PTPRE: variants seen among roughly 807,000 people sequenced by gnomAD.
PTPRE encodes protein tyrosine phosphatase receptor type E, also known as receptor-type tyrosine-protein phosphatase epsilon.
A neutral mutation model predicts 102.0 loss-of-function variants in PTPRE; 51 were observed. The observed-to-expected ratio is 0.50, with a 90% CI of 0.40 to 0.63. PTPRE has a LOEUF of 0.63. PTPRE is among the 30% of genes least tolerant of loss of function. PTPRE has a pLI of 0.00. For synonymous variants in PTPRE, 345 were observed against 348.2 expected (o/e 0.99, Z 0.10); for missense variants, 752 against 915.1 (o/e 0.82, Z 2.30).
chr10:127,959,859 G>T (rs1022717211), intron 1 of PTPRE, among the ~76,000 whole-genome samples: 9 of 152,308 alleles, frequency 5.9e-5, no homozygotes, highest in African/African-American at 2.2e-4. Flanking sequence ...ATATTATGAA[G>T]CTTCTAGCAC....
At chr10:128,074,753 A>C (rs1851084785) in intron 17 of PTPRE, among the ~76,000 whole-genome samples, 1 of 152,014 alleles carries the variant, frequency 6.6e-6, no homozygotes. Flanking sequence ...TACGCCTAGG[A>C]GTGTATATAC....
At chr10:128,044,039 G>T (rs953233728) in intron 3 of PTPRE, among the ~76,000 whole-genome samples, 1 of 152,216 alleles carries the variant, frequency 6.6e-6, no homozygotes, top group African/African-American at 2.4e-5. Flanking sequence ...AGCTGTAGAT[G>T]AAACGAGAGG....
intron 6 of PTPRE, among the ~76,000 whole-genome samples, chr10:128,049,879 A>C (rs1247427788): frequency 6.6e-6 from 1 of 151,980 alleles, no homozygotes; most frequent in African/African-American, 2.4e-5. Flanking sequence ...CAGTTGAGTT[A>C]GAGGTTTGTG....
At chr10:127,920,055 G>A (rs1458974777) in intron 1 of PTPRE, among the ~76,000 whole-genome samples, 2 of 152,180 alleles carry the variant, frequency 1.3e-5, no homozygotes, top group African/African-American at 4.8e-5. Context: ...GCCCTAGCAG[G>A]CAGGAAGTGT....
At chr10:127,969,561 G>A (rs947642219) in intron 1 of PTPRE, among the ~76,000 whole-genome samples, 5 of 151,916 alleles carry the variant, frequency 3.3e-5, no homozygotes, top group South Asian at 2.1e-4. Context: ...CCAGCTACTC[G>A]AGAGGCTGAG....
At chr10:128,078,088 C>G (rs1258409832) in intron 19 of PTPRE, among the ~76,000 whole-genome samples, 1 of 152,196 alleles carries the variant, frequency 6.6e-6, no homozygotes, top group Non-Finnish European at 1.5e-5. Context: ...AAAAAATTGC[C>G]AGGCAGGGCT....
chr10:127,956,004 T>C (rs1007800549), intron 1 of PTPRE, among the ~76,000 whole-genome samples: 7 of 152,188 alleles, frequency 4.6e-5, no homozygotes, highest in African/African-American at 1.7e-4. Context: ...CTCCTCCAAT[T>C]TGACATGAGA....
chr10:128,069,939 G>A (rs1234910205), intron 13 of PTPRE, 112 bp downstream of exon 13: 6 of 1,536,480 alleles, frequency 3.9e-6, no homozygotes, highest in Non-Finnish European at 5.3e-6. Context: ...AACCAGCCTG[G>A]GCCTGGCCTG....
chr10:127,971,715 T>G (rs1230203506), intron 1 of PTPRE, among the ~76,000 whole-genome samples: 1 of 152,176 alleles, frequency 6.6e-6, no homozygotes, highest in African/African-American at 2.4e-5. Context: ...GGAAGGAGGT[T>G]TATTAGAATC....
chr10:128,020,959 G>A (rs1029237752), intron 2 of PTPRE, among the ~76,000 whole-genome samples: 4 of 151,322 alleles, frequency 2.6e-5, no homozygotes, highest in East Asian at 3.9e-4. Flanking sequence ...GTGCAGTGGC[G>A]CAATCTCAGC....
chr10:128,010,551 C>CTTTTCTTTT (rs1554919736), intron 2 of PTPRE, among the ~76,000 whole-genome samples: 1 of 129,088 alleles, frequency 7.7e-6, no homozygotes, highest in Non-Finnish European at 1.6e-5. Flanking sequence ...TGTTCCTTTT[C>CTTTTCTTTT]TTTTCTTTTC....
At chr10:127,949,768 C>G (rs1848883527) in intron 1 of PTPRE, among the ~76,000 whole-genome samples, 2 of 152,158 alleles carry the variant, frequency 1.3e-5, no homozygotes, top group Non-Finnish European at 2.9e-5. Context: ...CAAACACAAG[C>G]CTTTGTCCCT....
At chr10:127,953,841 T>C (rs1849213239) in intron 1 of PTPRE, among the ~76,000 whole-genome samples, 1 of 152,162 alleles carries the variant, frequency 6.6e-6, no homozygotes, top group African/African-American at 2.4e-5. Flanking sequence ...CACTGGGCAA[T>C]GTACCTGGTT....
chr10:127,915,981 G>A (rs1050168962), intron 1 of PTPRE, among the ~76,000 whole-genome samples: 2 of 150,704 alleles, frequency 1.3e-5, no homozygotes, highest in Non-Finnish European at 2.9e-5. Flanking sequence ...TGTGCTTAGC[G>A]CTGGAGTTAC....
chr10:127,998,686 G>A (rs983525309), intron 2 of PTPRE: 2 of 152,192 alleles, frequency 1.3e-5, no homozygotes, highest in African/African-American at 4.8e-5. Flanking sequence ...TTACGTCCCT[G>A]TTCCTTCTGA....
chr10:128,018,225 C>T (rs930119553), intron 2 of PTPRE, among the ~76,000 whole-genome samples: 6 of 152,156 alleles, frequency 3.9e-5, no homozygotes, highest in Admixed American at 3.9e-4. Flanking sequence ...ACTCGGCATC[C>T]TCTGAAACCT....
At position 127,953,371 on chromosome 10, in the gene PTPRE, C is replaced by A. The variant is rs186555704; in HGVS notation, c.-30-28903C>A. Reference sequence around the variant, plus strand: ...GCCACTACCTGCAGGTAACCACTATCCTTTTGAGAGACAACTCTTGGCCTG... The same window carrying A: ...GCCACTACCTGCAGGTAACCACTATACTTTTGAGAGACAACTCTTGGCCTG... On this transcript the variant is annotated intron_variant, in intron 1 of 20. Coordinates refer to ENST00000254667, the MANE Select transcript of PTPRE (RefSeq NM_006504.6). Among the ~76,000 whole-genome samples, 24 of 152,302 alleles carry A rather than the reference C, an allele frequency of 1.6e-4. No homozygotes were observed. In the East Asian group the frequency reaches 4.3e-3, roughly 27 times the overall value.
At chr10:128,049,430 C>A in intron 5 of PTPRE, 100 bp from the exon 6 acceptor site, 1 of 1,436,082 alleles carries the variant, frequency 7.0e-7, no homozygotes. Flanking sequence ...CCAGCTCCAG[C>A]CTGGTCATTT....
chr10:127,924,689 A>G (rs1846878985), intron 1 of PTPRE, among the ~76,000 whole-genome samples: 4 of 152,254 alleles, frequency 2.6e-5, no homozygotes, highest in Admixed American at 2.6e-4. Flanking sequence ...AGATTAACTG[A>G]GATAACCCAG....
Sources: gnomAD v4.1 joint callset for allele counts (sites outside exome capture counted in the v4.1 genomes callset) on GRCh38, gnomAD v4.1.1 for gene constraint, MANE v1.5 for transcripts, NCBI Gene and HGNC (gene_info 2026-07-23, HGNC 2026-07-21) for gene names.